Variants in LOC128092252 observed in about 807,000 individuals in gnomAD.
At chr15:50,648,871 C>T in the LOC128092252 span, 34 of 1,604,234 alleles carry the variant, frequency 2.1e-5, no homozygotes, top group African/African-American at 2.7e-5. Context: ...CTTGACCAAG[C>T]GACCACAAAA....
At chr15:50,653,340 C>T in the LOC128092252 span, among the ~76,000 whole-genome samples, 89,561 of 152,012 alleles carry the variant, frequency 0.59, 26,674 homozygotes, top group African/African-American at 0.66. Context: ...ATTATAAGCA[C>T]TGTCAGCAAA....
At chr15:50,655,601 T>C in the LOC128092252 span, among the ~76,000 whole-genome samples, 1 of 151,790 alleles carries the variant, frequency 6.6e-6, no homozygotes, top group Non-Finnish European at 1.5e-5. Context: ...TTAAAGTAGC[T>C]AGAGAAGAAA....
At chr15:50,659,196 A>G in the LOC128092252 span, among the ~76,000 whole-genome samples, 2 of 151,852 alleles carry the variant, frequency 1.3e-5, no homozygotes, top group African/African-American at 4.8e-5. Flanking sequence ...CCGTCTCAAA[A>G]AAAAAAAAAA....
the LOC128092252 span, chr15:50,662,831 T>C: frequency 1.4e-6 from 1 of 711,522 alleles, no homozygotes; most frequent in Non-Finnish European, 2.4e-6. Flanking sequence ...CCAAATTAAA[T>C]GATTAACAGT....
the LOC128092252 span, among the ~76,000 whole-genome samples, chr15:50,686,200 G>C: frequency 5.3e-5 from 8 of 152,358 alleles, no homozygotes; most frequent in African/African-American, 1.9e-4. Context: ...TGAGCCCTGC[G>C]TCGGGCGCGC....
chr15:50,677,609 C>T, the LOC128092252 span, among the ~76,000 whole-genome samples: 2 of 151,600 alleles, frequency 1.3e-5, no homozygotes, highest in Admixed American at 6.6e-5. Context: ...TGTGGTGTCA[C>T]GCGCCTGTAA....
At chr15:50,672,010 C>T in the LOC128092252 span, among the ~76,000 whole-genome samples, 22,085 of 152,054 alleles carry the variant, frequency 0.15, 2,179 homozygotes, top group Admixed American at 0.28. Context: ...TACTAGACTA[C>T]GCTTTTTATG....
At chr15:50,669,242 G>C in the LOC128092252 span, among the ~76,000 whole-genome samples, 1 of 151,380 alleles carries the variant, frequency 6.6e-6, no homozygotes, top group Non-Finnish European at 1.5e-5. Flanking sequence ...TGGAGTTCGA[G>C]ACCAGCCTGG....
the LOC128092252 span, among the ~76,000 whole-genome samples, chr15:50,649,953 G>A: frequency 6.6e-6 from 1 of 152,018 alleles, no homozygotes; most frequent in African/African-American, 2.4e-5. Flanking sequence ...CCAGCACTTT[G>A]GGAGGCCGAG....
the LOC128092252 span, among the ~76,000 whole-genome samples, chr15:50,684,389 C>A: frequency 1.3e-5 from 2 of 152,210 alleles, no homozygotes; most frequent in South Asian, 2.1e-4. Flanking sequence ...TGCCTGTAAT[C>A]CCAACACTTT....
At chr15:50,680,630 C>G in the LOC128092252 span, among the ~76,000 whole-genome samples, 1 of 150,614 alleles carries the variant, frequency 6.6e-6, no homozygotes, top group Non-Finnish European at 1.5e-5. Context: ...AAGGTTAATA[C>G]ACAGAAATTT....
chr15:50,651,287 C>T, the LOC128092252 span, among the ~76,000 whole-genome samples: 3 of 152,232 alleles, frequency 2.0e-5, no homozygotes, highest in Non-Finnish European at 2.9e-5. Context: ...CAGAAAAGAA[C>T]GAGATGATGG....
chr15:50,659,259 A>G, the LOC128092252 span, among the ~76,000 whole-genome samples: 2 of 152,078 alleles, frequency 1.3e-5, no homozygotes, highest in Non-Finnish European at 2.9e-5. Context: ...AGTGGGCTAC[A>G]CTATATATTT....
At chr15:50,685,809 T>TAA in the LOC128092252 span, among the ~76,000 whole-genome samples, 1 of 152,176 alleles carries the variant, frequency 6.6e-6, no homozygotes, top group Admixed American at 6.5e-5. Flanking sequence ...CCTTTCGGTT[T>TAA]AAAACACGAT....
chr15:50,668,783 C>T, the LOC128092252 span, among the ~76,000 whole-genome samples: 1 of 152,320 alleles, frequency 6.6e-6, no homozygotes, highest in South Asian at 2.1e-4. Context: ...GCTGGGATTA[C>T]AGGCATGAGC....
At chr15:50,671,157 TCTTC>T in the LOC128092252 span, among the ~76,000 whole-genome samples, 1 of 152,184 alleles carries the variant, frequency 6.6e-6, no homozygotes, top group African/African-American at 2.4e-5. Flanking sequence ...TTGAAATTAT[TCTTC>T]CTAACTGAAA....
the LOC128092252 span, among the ~76,000 whole-genome samples, chr15:50,684,095 G>A: frequency 4.6e-5 from 7 of 151,708 alleles, no homozygotes; most frequent in East Asian, 3.9e-4. Flanking sequence ...CAAGTGATCC[G>A]GGATCAGCCT....
chr15:50,680,386 C>T, the LOC128092252 span, among the ~76,000 whole-genome samples: 1 of 151,960 alleles, frequency 6.6e-6, no homozygotes, highest in Admixed American at 6.6e-5. Flanking sequence ...AGTAAAAACA[C>T]AAATTTTTAA....
the LOC128092252 span, among the ~76,000 whole-genome samples, chr15:50,658,980 C>A: frequency 2.0e-5 from 3 of 152,098 alleles, no homozygotes; most frequent in African/African-American, 4.8e-5. Context: ...GGGAGGATCA[C>A]GAGGTCAGGA....
Sources: allele counts gnomAD v4.1 joint callset (sites outside exome capture counted in the v4.1 genomes callset), GRCh38; gene constraint gnomAD v4.1.1; transcripts MANE v1.5.